The following RGMB variants were observed in gnomAD, a reference collection of about 807,000 sequenced individuals.
RGMB encodes repulsive guidance molecule BMP co-receptor b.
RGMB carries 16 observed loss-of-function variants against 26.9 expected under a neutral mutation model. That is an observed-to-expected ratio of 0.60 (90% CI 0.40 to 0.90). RGMB has a LOEUF of 0.90. Ranked by LOEUF, RGMB falls within the 40% of genes least tolerant of loss-of-function variation. The pLI is 0.00. For synonymous variants in RGMB, 225 were observed against 229.3 expected (o/e 0.98, Z 0.17); for missense variants, 512 against 573.3 (o/e 0.89, Z 1.09).
rs1390053941 is a variant in RGMB, at chr5:98,794,863, T to TCA, written c.*1110_*1111insCA. 1 of 152,310 alleles carries TCA rather than the reference T, an allele frequency of 6.6e-6. No individual in the cohort carries two copies. Among genetic ancestry groups the TCA allele is most frequent in the Non-Finnish European group, 1.5e-5 (1 of 68,096 alleles). 9.4% of individuals were successfully genotyped at this position (152,310 alleles called of 1,614,324 possible). On this transcript the variant is annotated 3_prime_UTR_variant, in exon 3 of 3. Transcript: ENST00000513185. Reference sequence around the variant, plus strand: ...ATGATCTTCATCACAGTCTTTGATATGTCTGCATGCAAAGTGGAACAGAGT... The same window carrying TCA: ...ATGATCTTCATCACAGTCTTTGATATCAGTCTGCATGCAAAGTGGAACAGAGT...
At chr5:98,790,485 T>C (rs113108046) in intron 2 of RGMB, among the ~76,000 whole-genome samples, 19 of 152,284 alleles carry the variant, frequency 1.2e-4, no homozygotes, top group Admixed American at 3.9e-4. Context: ...TCTAGATAGG[T>C]AGGAGTTATT....
intron 1 of RGMB, among the ~76,000 whole-genome samples, chr5:98,778,841 A>C (rs1746498780): frequency 6.6e-6 from 1 of 151,912 alleles, no homozygotes; most frequent in African/African-American, 2.4e-5. Flanking sequence ...CTTGGGAGCT[A>C]GGATCCTAGG....
In RGMB at chr5:98,779,991, T is replaced by C. The variant is rs1746542058; in HGVS notation, c.548T>C (p.Val183Ala). 1 of 1,613,954 alleles carries C rather than the reference T, an allele frequency of 6.2e-7. No homozygotes were observed. The highest frequency in any genetic ancestry group is 8.5e-7 in the Non-Finnish European group (1 of 1,179,848). Residue 183 changes from valine (V) to alanine (A), a missense_variant, in exon 2 of 3, where the codon GTA becomes GCA. Transcript: ENST00000513185. The stretch of plus-strand genomic sequence containing the variant: ...AAGGATAACTTCCAAACATGCAAAG[T>C]AGAAGGGGCCTGGCCACTCATAGAT... Reference protein sequence around the residue: ...TFKDNFQTCKVEGAWPLIDNN... With the variant: ...TFKDNFQTCKAEGAWPLIDNN...
chr5:98,789,562 CT>C (rs1292870915), intron 2 of RGMB, among the ~76,000 whole-genome samples: 2 of 152,062 alleles, frequency 1.3e-5, no homozygotes, highest in Admixed American at 6.5e-5. Flanking sequence ...TTCTTATTGC[CT>C]ATTTCATGTA....
At chr5:98,776,954 C>T (rs781209666) in intron 1 of RGMB, among the ~76,000 whole-genome samples, 10 of 152,018 alleles carry the variant, frequency 6.6e-5, no homozygotes, top group Non-Finnish European at 1.0e-4. Context: ...GGTGTGGTGG[C>T]GCGTGCCTGT....
chr5:98,776,794 G>A (rs938034244), intron 1 of RGMB, among the ~76,000 whole-genome samples: 3 of 152,220 alleles, frequency 2.0e-5, no homozygotes, highest in East Asian at 1.9e-4. Context: ...TATGAAAGAG[G>A]GAAAGGTTTA....
At chr5:98,775,258 G>A (rs1221716088) in intron 1 of RGMB, among the ~76,000 whole-genome samples, 2 of 152,102 alleles carry the variant, frequency 1.3e-5, no homozygotes, top group African/African-American at 4.8e-5. Context: ...AATCAGGGAG[G>A]TCTTTTAAGT....
intron 2 of RGMB, among the ~76,000 whole-genome samples, chr5:98,791,612 A>G (rs1250163148): frequency 6.6e-6 from 1 of 152,106 alleles, no homozygotes; most frequent in African/African-American, 2.4e-5. Flanking sequence ...TGGCTTGTCT[A>G]CCTTCCTCCT....
intron 2 of RGMB, among the ~76,000 whole-genome samples, chr5:98,784,715 AGTTTTTGCAACCCATTAT>A (rs1746718016): frequency 1.3e-5 from 2 of 152,340 alleles, no homozygotes; most frequent in South Asian, 4.1e-4. Context: ...ATTGTAGCTA[AGTTTTTGCAACCCATTAT>A]GTTTTTAGCA....
intron 2 of RGMB, among the ~76,000 whole-genome samples, chr5:98,782,960 A>G (rs6896238): frequency 1.3e-5 from 2 of 152,156 alleles, no homozygotes; most frequent in Admixed American, 6.5e-5. Context: ...TTTTCTCTAC[A>G]TGGCAAGCAG....
rs550569565 is a variant in RGMB at position 98,793,598 on chromosome 5, G to A, written c.1159G>A (p.Ala387Thr). The A allele has an allele frequency of 2.8e-5, 45 of 1,613,964 alleles. No individual in the cohort carries two copies. In the East Asian group the frequency reaches 5.6e-4, roughly 20 times the overall value. The change falls in exon 3 of 3, where the codon GCA (alanine) becomes ACA (threonine). Residue 387 changes from alanine to threonine, a missense_variant. By Grantham distance (58) the Ala-to-Thr change is moderately conservative. Transcript: ENST00000513185. ...CACTGGTGATGCCAACTTTACTGCC[G>A]CAGCCCACAGTGCCTTGGAGGATGT... The part of the protein sequence containing the change: ...LTTGDANFTA[A>T]AHSALEDVEA...
intron 2 of RGMB, 79 bp downstream of exon 2, chr5:98,780,167 G>C: frequency 7.7e-7 from 1 of 1,302,444 alleles, no homozygotes; most frequent in Admixed American, 2.2e-5. Context: ...TTTGAAATGT[G>C]CTATAAAGGG....
chr5:98,787,979 G>T (rs1746814801), intron 2 of RGMB, among the ~76,000 whole-genome samples: 4 of 152,226 alleles, frequency 2.6e-5, no homozygotes, highest in Non-Finnish European at 5.9e-5. Context: ...TCTATCTGCT[G>T]CCAAGTACCC....
rs1561451970 is a variant in RGMB at position 98,796,447 on chromosome 5, T to C, written c.*2694T>C. On this transcript the variant is annotated 3_prime_UTR_variant, in exon 3 of 3. Coordinates refer to ENST00000513185, the MANE Select transcript of RGMB (RefSeq NM_001366508.1). Reference sequence around the variant, plus strand: ...CAGTGAGTGTGCAGTGTGTAAATACTTTAAATTATTATGCTAGAAAAATAA... The same window carrying C: ...CAGTGAGTGTGCAGTGTGTAAATACCTTAAATTATTATGCTAGAAAAATAA... 1.3e-5 allele frequency: 2 copies of C among 150,838 alleles called. No homozygotes were observed. Among genetic ancestry groups the C allele is most frequent in the Admixed American group, 6.7e-5 (1 of 15,036 alleles). The allele number at this position is 150,838 out of a possible 1,614,324, so 9.3% of individuals were successfully genotyped here. A position where few individuals can be genotyped will look rare whatever the true frequency, so the allele number is the denominator to read the frequency against.
At position 98,780,116 on chromosome 5, in the gene RGMB, C is replaced by T. The variant is rs1259511174; in HGVS notation, c.645+28C>T. The T allele has an allele frequency of 2.5e-6, 4 of 1,577,556 alleles. No individual in the cohort carries two copies. The Admixed American group carries it at 5.3e-5, about 21-fold the overall frequency. On this transcript the variant is annotated intron_variant, in intron 2 of 2. Coordinates refer to ENST00000513185, the MANE Select transcript of RGMB (RefSeq NM_001366508.1). ...AAGTATACCTTCTTTTTTCCCTCTC[C>T]CTACTCAACTTTCAAAAGATGTTTG...
At chr5:98,771,807 TAG>T (rs1442947982), upstream of RGMB, 1 of 152,110 alleles carries the variant, frequency 6.6e-6, no homozygotes, top group Non-Finnish European at 1.5e-5. Context: ...TAAAAAATCA[TAG>T]AAAGTCACGA....
chr5:98,773,713 C>T lies in RGMB; in HGVS notation c.-358C>T, dbSNP rs947820139. 13 of 375,396 alleles carry T rather than the reference C, an allele frequency of 3.5e-5. No homozygotes were observed. Among genetic ancestry groups the T allele is most frequent in the Non-Finnish European group, 5.2e-5 (11 of 211,794 alleles). The allele number at this position is 375,396 out of a possible 1,614,324, so 23.3% of individuals were successfully genotyped here. The stretch of plus-strand genomic sequence containing the variant: ...GTGGTCGCTAGGGCTGGGCCAGCCT[C>T]TTGGAGGTCCACGCCCGCCGAGCCC... On this transcript the variant is annotated 5_prime_UTR_variant, in exon 1 of 3. Transcript: ENST00000513185.
intron 2 of RGMB, chr5:98,780,668 G>A (rs374718756): frequency 6.6e-6 from 1 of 152,308 alleles, no homozygotes; most frequent in Non-Finnish European, 1.5e-5. Context: ...TATGTAACCT[G>A]TGTGTAATCT....
At chr5:98,771,007 A>G (rs1191581969), upstream of RGMB, 3 of 280,006 alleles carry the variant, frequency 1.1e-5, no homozygotes, top group Middle Eastern at 9.8e-4. Flanking sequence ...AAATGGAGAC[A>G]TATTAACTGG....
Sources: allele counts gnomAD v4.1 joint callset (sites outside exome capture counted in the v4.1 genomes callset), GRCh38; gene constraint gnomAD v4.1.1; transcripts MANE v1.5; gene names NCBI Gene and HGNC (gene_info 2026-07-23, HGNC 2026-07-21).